The following DAB2IP variants were observed in gnomAD, a reference collection of about 807,000 sequenced individuals.
DAB2IP encodes DAB2 interacting protein.
Under a neutral mutation model 107.2 loss-of-function variants are expected in DAB2IP, and 28 were observed. The observed-to-expected ratio is 0.26, with a 90% confidence interval of 0.19 to 0.36. DAB2IP has a LOEUF of 0.36. Among genes scored for constraint, DAB2IP ranks in the 10% least tolerant of loss-of-function variants. The pLI is 1.00. For missense variants in DAB2IP, 1,400 were observed against 1,644.7 expected (o/e 0.85, Z 2.57); for synonymous variants, 755 against 706.4 (o/e 1.07, Z -1.09).
At chr9:121,740,828 T>C (rs946570424) in intron 3 of DAB2IP, among the ~76,000 whole-genome samples, 1 of 152,220 alleles carries the variant, frequency 6.6e-6, no homozygotes, top group Non-Finnish European at 1.5e-5. Flanking sequence ...ACATCTGTTA[T>C]CTGCAGGGGA....
chr9:121,758,828 C>A, intron 4 of DAB2IP, 70 bp from the exon 5 acceptor site: 1 of 1,431,242 alleles, frequency 7.0e-7, no homozygotes, highest in Non-Finnish European at 9.7e-7. Context: ...CCTCCAAGGT[C>A]TTCTTCCATC....
exon 16 of DAB2IP, chr9:121,783,257 C>G: frequency 7.5e-7 from 1 of 1,324,552 alleles, no homozygotes; most frequent in Non-Finnish European, 9.7e-7. Flanking sequence ...GTGGGGAGGA[C>G]CCACAGCTTC....
At chr9:121,645,542 C>T (rs917230503) in intron 1 of DAB2IP, among the ~76,000 whole-genome samples, 2 of 152,144 alleles carry the variant, frequency 1.3e-5, no homozygotes, top group Non-Finnish European at 2.9e-5. Flanking sequence ...TTGGGTGAGT[C>T]GCTCCCTCCC....
At chr9:121,572,422 GAATA>G (rs941981047) in intron 1 of DAB2IP, among the ~76,000 whole-genome samples, 10 of 152,086 alleles carry the variant, frequency 6.6e-5, no homozygotes, top group East Asian at 5.8e-4. Flanking sequence ...ATGAATGAAT[GAATA>G]AGTGAGCGAG....
intron 1 of DAB2IP, among the ~76,000 whole-genome samples, chr9:121,674,896 G>T (rs533711867): frequency 4.0e-5 from 6 of 148,704 alleles, no homozygotes; most frequent in East Asian, 3.9e-4. Context: ...TGTGTGTGTG[G>T]TGTGTGTGTG....
chr9:121,713,518 T>C (rs1369608272), intron 3 of DAB2IP, among the ~76,000 whole-genome samples: 1 of 152,120 alleles, frequency 6.6e-6, no homozygotes, highest in Non-Finnish European at 1.5e-5. Context: ...TGCCCTCTTG[T>C]TGTAGGGTGG....
rs559519027 is a variant in DAB2IP at position 121,776,414 on chromosome 9, C to T, written c.3314+23C>T. ...CAGGTGGGGCCCACACCTGCCTGGC[C>T]TGGCCACAGGCACAGGCAGGGCAGC... On this transcript the variant is annotated intron_variant, in intron 14 of 15. Transcript: ENST00000408936. This position sits in a 1 kb window ranked among gnomAD's most constrained non-coding sequence, Gnocchi z 5.4. 1.1e-5 allele frequency: 17 copies of T among 1,503,382 alleles called. No homozygotes were observed. In the African/African-American group the frequency reaches 2.2e-4, roughly 20 times the overall value. 93.1% of individuals were successfully genotyped at this position (1,503,382 alleles called of 1,614,324 possible). A position where few individuals can be genotyped will look rare whatever the true frequency, so the allele number is the denominator to read the frequency against.
At chr9:121,695,024 T>C (rs1175397630) in intron 2 of DAB2IP, among the ~76,000 whole-genome samples, 12 of 152,152 alleles carry the variant, frequency 7.9e-5, no homozygotes, top group Admixed American at 7.9e-4. Flanking sequence ...CTTGCTGAGC[T>C]TTAGACATCA....
chr9:121,581,675 C>G (rs1830197186), intron 1 of DAB2IP, among the ~76,000 whole-genome samples: 1 of 152,216 alleles, frequency 6.6e-6, no homozygotes, highest in Admixed American at 6.5e-5. Flanking sequence ...CATCCCTGCT[C>G]TGAGTCTGCA....
rs1321870931 is a variant in DAB2IP at position 121,740,978 on chromosome 9, TACTG to T, written c.363-16031_363-16028del. Reference sequence around the variant, plus strand: ...AAAACCCCCAAATTGGGCCTCTTCTTACTGACTAATCCTGGGGGTGAGGTAGTAA... The same window carrying T: ...AAAACCCCCAAATTGGGCCTCTTCTTACTAATCCTGGGGGTGAGGTAGTAA... On this transcript the variant is annotated intron_variant, in intron 3 of 15. Transcript: ENST00000408936. Among the ~76,000 whole-genome samples the T allele has an allele frequency of 3.3e-5, 5 of 152,162 alleles. No homozygotes were observed. In the South Asian group the frequency reaches 1.0e-3, roughly 32 times the overall value.
chr9:121,644,661 C>T (rs1037845881), intron 1 of DAB2IP, among the ~76,000 whole-genome samples: 1 of 152,006 alleles, frequency 6.6e-6, no homozygotes, highest in Non-Finnish European at 1.5e-5. Context: ...AGAAAAGAGC[C>T]AGGAGGGGAA....
chr9:121,726,001 G>A (rs1461413647), intron 3 of DAB2IP, among the ~76,000 whole-genome samples: 4 of 152,198 alleles, frequency 2.6e-5, no homozygotes, highest in African/African-American at 7.2e-5. Flanking sequence ...CTTGGCACAC[G>A]ACTCCTGAAA....
intron 1 of DAB2IP, among the ~76,000 whole-genome samples, chr9:121,589,312 C>G (rs928830677): frequency 3.3e-5 from 5 of 152,176 alleles, no homozygotes; most frequent in African/African-American, 9.7e-5. Flanking sequence ...CCTGCCCCCT[C>G]TCATGGCTGC....
chr9:121,735,639 C>T (rs993833860), intron 3 of DAB2IP, among the ~76,000 whole-genome samples: 2 of 152,130 alleles, frequency 1.3e-5, no homozygotes, highest in Non-Finnish European at 2.9e-5. Context: ...TGTGCAGCCT[C>T]GGGTTCCTGG....
intron 2 of DAB2IP, among the ~76,000 whole-genome samples, chr9:121,689,703 C>T (rs1316236146): frequency 6.6e-6 from 1 of 152,226 alleles, no homozygotes; most frequent in Non-Finnish European, 1.5e-5. Flanking sequence ...CTCCCTGTGG[C>T]CCAGCGCAAA....
intron 15 of DAB2IP, 108 bp downstream of exon 15, chr9:121,781,659 G>C (rs1378190135): frequency 1.8e-6 from 2 of 1,138,784 alleles, no homozygotes; most frequent in Middle Eastern, 2.0e-4. Context: ...ACACTGAGGG[G>C]AATAAGAAAC....
intron 3 of DAB2IP, among the ~76,000 whole-genome samples, chr9:121,729,570 G>A (rs1034050164): frequency 3.9e-5 from 6 of 152,148 alleles, no homozygotes; most frequent in Non-Finnish European, 8.8e-5. Flanking sequence ...GCTATCAAGC[G>A]GGGTAGGCCT....
chr9:121,670,918 C>T (rs566723874), intron 1 of DAB2IP, among the ~76,000 whole-genome samples: 112 of 151,896 alleles, frequency 7.4e-4, no homozygotes, highest in Non-Finnish European at 1.4e-3. Context: ...TTTGGGAGGC[C>T]GAGGCAGGAG....
In DAB2IP at chr9:121,699,418, G is replaced by A; in HGVS notation, c.322G>A (p.Gly108Arg). The change falls in exon 3 of 16, where the codon GGG (glycine) becomes AGG (arginine). Residue 108 changes from glycine (G) to arginine (R), a missense_variant. Transcript: ENST00000408936. The surrounding 1 kb of genome is among the most constrained non-coding windows in gnomAD (Gnocchi z 6.2). ...CCACAGCTTCCGCCACATCCTGCCG[G>A]GGTTCCGGAGCGCCGCCGCCGCCGC... is the stretch of plus-strand genomic sequence containing the variant. 6.8e-7 allele frequency: 1 copy of A among 1,465,924 alleles called. No homozygotes were observed. The highest frequency in any genetic ancestry group is 9.1e-7 in the Non-Finnish European group (1 of 1,098,612). The allele number at this position is 1,465,924 out of a possible 1,614,324, so 90.8% of individuals were successfully genotyped here. A position where few individuals can be genotyped will look rare whatever the true frequency, so the allele number is the denominator to read the frequency against.
Sources: gnomAD v4.1 joint callset for allele counts (sites outside exome capture counted in the v4.1 genomes callset) on GRCh38, gnomAD v4.1.1 for gene constraint, Gnocchi (gnomAD v3.1) non-coding constraint, MANE v1.5 for transcripts, NCBI Gene and HGNC (gene_info 2026-07-23, HGNC 2026-07-21) for gene names.